The following PAPOLB variants were observed in gnomAD, a reference collection of about 807,000 sequenced individuals.
PAPOLB encodes poly(A) polymerase beta, also known as PAP-beta.
Under a neutral mutation model 23.2 loss-of-function variants are expected in PAPOLB, and 19 were observed. The observed-to-expected ratio is 0.82, with a 90% CI of 0.57 to 1.20. PAPOLB has a LOEUF of 1.20. Among genes scored for constraint, PAPOLB ranks in the 50% most tolerant of loss-of-function variants. The pLI is 0.00. For synonymous variants in PAPOLB, 360 were observed against 290.7 expected (o/e 1.24, Z -2.43); for missense variants, 822 against 776.8 (o/e 1.06, Z -0.69).
At position 4,859,642 on chromosome 7, in the gene PAPOLB, T is replaced by A. The variant is rs760328719; in HGVS notation, c.*255A>T. On this transcript the variant is annotated 3_prime_UTR_variant, in exon 1 of 1. Coordinates refer to ENST00000404991, the MANE Select transcript of PAPOLB (RefSeq NM_020144.5). The stretch of plus-strand genomic sequence containing the variant: ...CAACAGGTTCAGTTGGCAGATATTG[T>A]TCATGGACCCTTGAGGTTGTTTTTA... The A allele has an allele frequency of 5.6e-5, 26 of 462,180 alleles. No individual in the cohort carries two copies. Among genetic ancestry groups the A allele is most frequent in the Non-Finnish European group, 1.0e-4 (26 of 255,848 alleles). The allele number at this position is 462,180 out of a possible 1,614,324, so 28.6% of individuals were successfully genotyped here. A position where few individuals can be genotyped will look rare whatever the true frequency, so the allele number is the denominator to read the frequency against.
rs757078339 is a variant in PAPOLB, at chr7:4,860,849, T to A, written c.962A>T (p.Tyr321Phe). Reference protein sequence around the residue: ...YHLMPIITPAYPQQNSTYNVS... With the variant: ...YHLMPIITPAFPQQNSTYNVS... ...GTTGTATGTGGAGTTCTGCTGTGGG[T>A]ATGCTGGTGTGATGATAGGCATAAG... Residue 321 changes from tyrosine (Y) to phenylalanine (F), a missense_variant, in exon 1 of 1, where the codon TAC (tyrosine) becomes TTC (phenylalanine). Around this residue, in one of 3 missense-constraint regions of PAPOLB, gnomAD observed 534 missense variants for 502.8 expected, o/e 1.06. Coordinates refer to ENST00000404991, the MANE Select transcript of PAPOLB (RefSeq NM_020144.5). 1 of 1,614,122 alleles carries A rather than the reference T, an allele frequency of 6.2e-7. No individual in the cohort carries two copies. Among genetic ancestry groups the A allele is most frequent in the South Asian group, 1.1e-5 (1 of 91,078 alleles).
At position 4,859,649 on chromosome 7, in the gene PAPOLB, AC is replaced by A. The variant is rs1783923942; in HGVS notation, c.*247del. 4.2e-6 allele frequency: 2 copies of A among 478,760 alleles called. No homozygotes were observed. The highest frequency in any genetic ancestry group is 7.4e-5 in the East Asian group (2 of 27,078). 29.7% of individuals were successfully genotyped at this position (478,760 alleles called of 1,614,324 possible). On this transcript the variant is annotated 3_prime_UTR_variant, in exon 1 of 1. Coordinates refer to ENST00000404991, the MANE Select transcript of PAPOLB (RefSeq NM_020144.5). ...TTCAGTTGGCAGATATTGTTCATGGACCCTTGAGGTTGTTTTTAACCATTCA... is the reference window on the plus strand; with the variant it reads ...TTCAGTTGGCAGATATTGTTCATGGACCTTGAGGTTGTTTTTAACCATTCA...
chr7:4,861,505 G>C lies in PAPOLB; in HGVS notation c.306C>G (p.Gly102=). 1.2e-6 allele frequency: 2 copies of C among 1,614,090 alleles called. No homozygotes were observed. Among genetic ancestry groups the C allele is most frequent in the Non-Finnish European group, 1.7e-6 (2 of 1,179,926 alleles). ...ENVGGKIFTF[G]SYRLGVHTKG... is the part of the protein sequence containing the mutation. The stretch of plus-strand genomic sequence containing the variant: ...TCGTATGTACTCCTAATCTGTAAGA[G>C]CCAAACGTAAAAATCTTTCCTCCAA... Residue 102 remains glycine (G), a synonymous_variant, in exon 1 of 1, where the codon GGC becomes GGG. Coordinates refer to ENST00000404991, the MANE Select transcript of PAPOLB (RefSeq NM_020144.5).
In PAPOLB at chr7:4,860,004, T is replaced by C. The variant is rs781504104; in HGVS notation, c.1807A>G (p.Ile603Val). Residue 603 changes from isoleucine (I) to valine (V), a missense_variant, in exon 1 of 1, where the codon ATT becomes GTT. Ile to Val is a conservative substitution (Grantham distance 29). Coordinates refer to ENST00000404991, the MANE Select transcript of PAPOLB (RefSeq NM_020144.5). ...SIPHAVSQPA[I>V]SPSPKAMVAR... ...ACCATGGCCTTTGGTGATGGAGAAA[T>C]GGCAGGCTGAGAGACAGCGTGAGGA... 2 of 1,613,962 alleles carry C rather than the reference T, an allele frequency of 1.2e-6. No individual in the cohort carries two copies. The highest frequency in any genetic ancestry group is 2.2e-5 in the South Asian group (2 of 91,088).
Position 4,860,052 on chromosome 7 carries a change from C to G in PAPOLB, c.1759G>C (p.Gly587Arg), listed in dbSNP as rs1259881576. 6.2e-7 allele frequency: 1 copy of G among 1,614,008 alleles called. No individual in the cohort carries two copies. The highest frequency in any genetic ancestry group is 1.6e-4 in the Middle Eastern group (1 of 6,062). ...LQQVNTNESSGVALNESIPHA... is the reference protein window; with the variant it reads ...LQQVNTNESSRVALNESIPHA... ...GGAATACTTTCGTTTAATGCAACCCCTGAACTTTCATTGGTATTCACCTGT... is the reference window on the plus strand; with the variant it reads ...GGAATACTTTCGTTTAATGCAACCCGTGAACTTTCATTGGTATTCACCTGT... Residue 587 changes from glycine (G) to arginine (R), a missense_variant, in exon 1 of 1, where the codon GGG (glycine) becomes CGG (arginine). Transcript: ENST00000404991.
Position 4,858,846 on chromosome 7 carries a change from G to C in PAPOLB, c.*1051C>G, listed in dbSNP as rs1783900229. 6.6e-6 allele frequency: 1 copy of C among 152,088 alleles called. No homozygotes were observed. The highest frequency in any genetic ancestry group is 6.5e-5 in the Admixed American group (1 of 15,272). The allele number at this position is 152,088 out of a possible 1,614,324, so 9.4% of individuals were successfully genotyped here. A position where few individuals can be genotyped will look rare whatever the true frequency, so the allele number is the denominator to read the frequency against. Reference sequence around the variant, plus strand: ...GAGAATATTATTCCTTTTTTCTTGTGAAATGACACATAAGCATACTGTGTG... The same window carrying C: ...GAGAATATTATTCCTTTTTTCTTGTCAAATGACACATAAGCATACTGTGTG... On this transcript the variant is annotated 3_prime_UTR_variant, in exon 1 of 1. Coordinates refer to ENST00000404991, the MANE Select transcript of PAPOLB (RefSeq NM_020144.5).
chr7:4,861,277 A>G lies in PAPOLB; in HGVS notation c.534T>C (p.Thr178=). 1.2e-6 allele frequency: 2 copies of G among 1,614,146 alleles called. No individual in the cohort carries two copies. Among genetic ancestry groups the G allele is most frequent in the African/African-American group, 2.7e-5 (2 of 75,070 alleles). Residue 178 remains threonine (T), a synonymous_variant, in exon 1 of 1, where the codon ACT becomes ACC. Coordinates refer to ENST00000404991, the MANE Select transcript of PAPOLB (RefSeq NM_020144.5). ...DILFARLALQ[T]IPEDLDLRDD... is the part of the protein sequence containing the mutation. ...CTCTTAAGTCCAAATCTTCTGGAAT[A>G]GTCTGTAGTGCTAATCTTGCAAATA...
At position 4,861,743 on chromosome 7, in the gene PAPOLB, ACGCCG is replaced by A; in HGVS notation, c.63_67del (p.Gly22LeufsTer48). On this transcript the variant is annotated frameshift_variant, in exon 1 of 1. Transcript: ENST00000404991. LOFTEE classifies it high-confidence loss of function. ...GACCGCTAGACTGATAGGCGAGGAG[ACGCCG>A]TAGCGATTCGGCGGCGGCGCCGGCT... is the stretch of plus-strand genomic sequence containing the variant. The A allele has an allele frequency of 6.6e-7, 1 of 1,507,744 alleles. No homozygotes were observed. The highest frequency in any genetic ancestry group is 8.8e-7 in the Non-Finnish European group (1 of 1,130,258). 93.4% of individuals were successfully genotyped at this position (1,507,744 alleles called of 1,614,324 possible).
rs368623360 is a variant in PAPOLB, at chr7:4,859,869, T to C, written c.*28A>G. On this transcript the variant is annotated 3_prime_UTR_variant, in exon 1 of 1. Coordinates refer to ENST00000404991, the MANE Select transcript of PAPOLB (RefSeq NM_020144.5). ...GGTTTTCTTGGTCCTTTCTTCTTTA[T>C]GAGGCAAGAATATCCTCTAGACTCC... The C allele has an allele frequency of 2.9e-5, 42 of 1,460,850 alleles. No individual in the cohort carries two copies. The African/African-American group carries it at 5.5e-4, about 19-fold the overall frequency. The allele number at this position is 1,460,850 out of a possible 1,614,324, so 90.5% of individuals were successfully genotyped here.
chr7:4,860,880 A>ACCTAT lies in PAPOLB; in HGVS notation c.926_930dup (p.Tyr311IlefsTer30), dbSNP rs755585277. 5.6e-6 allele frequency: 9 copies of ACCTAT among 1,613,816 alleles called. No homozygotes were observed. The highest frequency in any genetic ancestry group is 7.6e-6 in the Non-Finnish European group (9 of 1,179,842). ...GGTGTGATGATAGGCATAAGATGGT[A>ACCTAT]CCTATCACTGGGATTTACTCTTGGG... On this transcript the variant is annotated frameshift_variant, in exon 1 of 1. Transcript: ENST00000404991. LOFTEE classifies it high-confidence loss of function.
Position 4,861,894 on chromosome 7 carries a change from G to T in PAPOLB, c.-84C>A. 2 of 635,424 alleles carry T rather than the reference G, an allele frequency of 3.1e-6. No homozygotes were observed. Among genetic ancestry groups the T allele is most frequent in the South Asian group, 8.0e-5 (2 of 25,042 alleles). The allele number at this position is 635,424 out of a possible 1,614,324, so 39.4% of individuals were successfully genotyped here. A position where few individuals can be genotyped will look rare whatever the true frequency, so the allele number is the denominator to read the frequency against. ...GCCCGGGTCATGATCCGCTGAGGCG[G>T]AAGGGCAGGGCTTCTAGCTGCCCTG... On this transcript the variant is annotated 5_prime_UTR_variant, in exon 1 of 1. Coordinates refer to ENST00000404991, the MANE Select transcript of PAPOLB (RefSeq NM_020144.5).
At position 4,859,838 on chromosome 7, in the gene PAPOLB, C is replaced by T. The variant is rs747161638; in HGVS notation, c.*59G>A. The T allele has an allele frequency of 4.5e-5, 48 of 1,067,438 alleles. No individual in the cohort carries two copies. The highest frequency in any genetic ancestry group is 6.4e-5 in the Non-Finnish European group (46 of 723,664). 66.1% of individuals were successfully genotyped at this position (1,067,438 alleles called of 1,614,324 possible). ...TCTTTGTATTGAGTTTCTCCTCTTC[C>T]GTTTTGGTTTTCTTGGTCCTTTCTT... On this transcript the variant is annotated 3_prime_UTR_variant, in exon 1 of 1. Coordinates refer to ENST00000404991, the MANE Select transcript of PAPOLB (RefSeq NM_020144.5).
At position 4,859,963 on chromosome 7, in the gene PAPOLB, A is replaced by C; in HGVS notation, c.1848T>G (p.Ser616=). The C allele has an allele frequency of 6.2e-7, 1 of 1,614,032 alleles. No homozygotes were observed. Among genetic ancestry groups the C allele is most frequent in the African/African-American group, 1.3e-5 (1 of 75,048 alleles). The part of the protein sequence containing the change: ...SPKAMVARVV[S]STCLISHPDL... ...CTGGATGGCTTATGAGACATGTTGAAGAAACAACTCTGGCGACCATGGCCT... is the reference window on the plus strand; with the variant it reads ...CTGGATGGCTTATGAGACATGTTGACGAAACAACTCTGGCGACCATGGCCT... The change falls in exon 1 of 1, where the codon TCT becomes TCG. Residue 616 remains serine (S), a synonymous_variant. Transcript: ENST00000404991.
In PAPOLB at chr7:4,860,116, T is replaced by G; in HGVS notation, c.1695A>C (p.Ala565=). ...RNSPALAVMT[A]SVANIQATEF... ...CAGTAGCCTGTATGTTAGCCACAGA[T>G]GCTGTCATTACAGCCAAGGCAGGAC... The change falls in exon 1 of 1, where the codon GCA becomes GCC. Residue 565 remains alanine, a synonymous_variant. Coordinates refer to ENST00000404991, the MANE Select transcript of PAPOLB (RefSeq NM_020144.5). 1 of 1,614,042 alleles carries G rather than the reference T, an allele frequency of 6.2e-7. No individual in the cohort carries two copies. Among genetic ancestry groups the G allele is most frequent in the Admixed American group, 1.7e-5 (1 of 60,034 alleles).
In PAPOLB at chr7:4,861,017, A is replaced by G. The variant is rs1192723986; in HGVS notation, c.794T>C (p.Val265Ala). 6.2e-7 allele frequency: 1 copy of G among 1,614,094 alleles called. No homozygotes were observed. The highest frequency in any genetic ancestry group is 1.3e-5 in the African/African-American group (1 of 74,944). The change falls in exon 1 of 1, where the codon GTA becomes GCA. Residue 265 changes from valine (V) to alanine (A), a missense_variant. Around this residue, in one of 3 missense-constraint regions of PAPOLB, gnomAD observed 534 missense variants for 502.8 expected, o/e 1.06. Transcript: ENST00000404991. ...GAATTTCCGTACAAGAGTTGACGCT[A>G]CTGCATTTGGATAAAGCTGACAAGT... ...ARTCQLYPNAVASTLVRKFFL... is the reference protein window; with the variant it reads ...ARTCQLYPNAAASTLVRKFFL...
rs574789052 is a variant in PAPOLB at position 4,861,296 on chromosome 7, G to C, written c.515C>G (p.Ala172Gly). Residue 172 changes from alanine to glycine, a missense_variant, in exon 1 of 1, where the codon GCA becomes GGA. Physicochemically the swap from Ala to Gly is moderately conservative, Grantham distance 60. Around this residue, in one of 3 missense-constraint regions of PAPOLB, gnomAD observed 276 missense variants for 243.9 expected, o/e 1.13. Transcript: ENST00000404991. ...TGGAATAGTCTGTAGTGCTAATCTTGCAAATAAAATATCAATCTCTATCCC... is the reference window on the plus strand; with the variant it reads ...TGGAATAGTCTGTAGTGCTAATCTTCCAAATAAAATATCAATCTCTATCCC... ...FDGIEIDILF[A>G]RLALQTIPED... The C allele has an allele frequency of 1.9e-6, 3 of 1,614,032 alleles. No individual in the cohort carries two copies. The highest frequency in any genetic ancestry group is 2.5e-6 in the Non-Finnish European group (3 of 1,179,928).
Position 4,861,792 on chromosome 7 carries a change from T to C in PAPOLB, c.19A>G (p.Thr7Ala). The C allele has an allele frequency of 1.4e-6, 2 of 1,454,012 alleles. No homozygotes were observed. The highest frequency in any genetic ancestry group is 2.4e-5 in the East Asian group (1 of 41,292). The allele number at this position is 1,454,012 out of a possible 1,614,324, so 90.1% of individuals were successfully genotyped here. ...GCCGGCTGCGGTGGTCCCTGGGTTG[T>C]CACCGGAAACGGCATCATCTTTCAG... is the stretch of plus-strand genomic sequence containing the variant. MMPFPV[T>A]TQGPPQPAPP... is the part of the protein sequence containing the mutation. Residue 7 changes from threonine (T) to alanine (A), a missense_variant, in exon 1 of 1, where the codon ACA becomes GCA. Physicochemically the swap from Thr to Ala is moderately conservative, Grantham distance 58. Transcript: ENST00000404991.
At position 4,860,228 on chromosome 7, in the gene PAPOLB, G is replaced by A. The variant is rs1368946799; in HGVS notation, c.1583C>T (p.Ala528Val). 8 of 1,613,870 alleles carry A rather than the reference G, an allele frequency of 5.0e-6. No homozygotes were observed. Among genetic ancestry groups the A allele is most frequent in the Non-Finnish European group, 6.8e-6 (8 of 1,179,896 alleles). ...CACAGACATGCTGTTTTCACAGCCTGCAGACAAGTCAAAGCTGCTGTCGTT... is the reference window on the plus strand; with the variant it reads ...CACAGACATGCTGTTTTCACAGCCTACAGACAAGTCAAAGCTGCTGTCGTT... ...DLNDSSFDLS[A>V]GCENSMSVPS... is the part of the protein sequence containing the mutation. The change falls in exon 1 of 1, where the codon GCA becomes GTA. Residue 528 changes from alanine to valine, a missense_variant. Coordinates refer to ENST00000404991, the MANE Select transcript of PAPOLB (RefSeq NM_020144.5).
In PAPOLB at chr7:4,860,549, G is replaced by A. The variant is rs1485719437; in HGVS notation, c.1262C>T (p.Ser421Leu). 7 of 1,614,050 alleles carry A rather than the reference G, an allele frequency of 4.3e-6. No homozygotes were observed. Among genetic ancestry groups the A allele is most frequent in the Non-Finnish European group, 5.9e-6 (7 of 1,180,014 alleles). ...AGGATTTTCTTTGGGTGCTGGAAAT[G>A]ACTGTGGATTCACATGTGCCAGTGT... Reference protein sequence around the residue: ...FITLAHVNPQSFPAPKENPDM... With the variant: ...FITLAHVNPQLFPAPKENPDM... The change falls in exon 1 of 1, where the codon TCA (serine) becomes TTA (leucine). Residue 421 changes from serine to leucine, a missense_variant. By Grantham distance (145) the Ser-to-Leu change is moderately radical. Around this residue, in one of 3 missense-constraint regions of PAPOLB, gnomAD observed 534 missense variants for 502.8 expected, o/e 1.06. Coordinates refer to ENST00000404991, the MANE Select transcript of PAPOLB (RefSeq NM_020144.5).
Sources: gnomAD v4.1 joint callset for allele counts on GRCh38, gnomAD v4.1.1 for gene constraint, gnomAD v4.1.1 regional missense constraint, MANE v1.5 for transcripts, NCBI Gene and HGNC (gene_info 2026-07-23, HGNC 2026-07-21) for gene names.